SNTG2: variants seen among roughly 807,000 people sequenced by gnomAD.
SNTG2 encodes gamma-2-syntrophin.
SNTG2 carries 74 observed loss-of-function variants against 70.9 expected under a neutral mutation model. The observed-to-expected ratio is 1.04, with a 90% CI of 0.86 to 1.27. The LOEUF (loss-of-function observed/expected upper bound fraction) is 1.27, where lower values mean the gene tolerates loss of function less well. Ranked by LOEUF, SNTG2 falls within the 50% of genes most tolerant of loss-of-function variation. SNTG2 has a pLI of 0.00. For missense variants in SNTG2, 717 were observed against 690.7 expected, an observed-to-expected ratio of 1.04 and a Z score of -0.43; for synonymous variants, 278 against 273.8, an observed-to-expected ratio of 1.02 and a Z score of -0.15.
intron 1 of SNTG2, among the ~76,000 whole-genome samples, chr2:1,071,516 G>T (rs1663549798): frequency 8.5e-6 from 1 of 118,264 alleles, no homozygotes; most frequent in Non-Finnish European, 1.7e-5. Context: ...TGGGGGGAGG[G>T]GGGAGGGATA....
intron 16 of SNTG2, among the ~76,000 whole-genome samples, chr2:1,330,974 C>T (rs1659496074): frequency 6.6e-6 from 1 of 152,202 alleles, no homozygotes; most frequent in Admixed American, 6.5e-5. Context: ...GACTTGTCCT[C>T]TGGGTGTTAG....
At chr2:1,031,457 C>T (rs1281503750) in intron 1 of SNTG2, among the ~76,000 whole-genome samples, 2 of 144,976 alleles carry the variant, frequency 1.4e-5, no homozygotes, top group Non-Finnish European at 3.0e-5. Flanking sequence ...GGTTTTCACT[C>T]AGCAGTTTTA....
chr2:1,208,712 C>T (rs1396425306), intron 8 of SNTG2, among the ~76,000 whole-genome samples: 4 of 152,180 alleles, frequency 2.6e-5, no homozygotes, highest in Admixed American at 2.6e-4. Context: ...TGTCATCAGC[C>T]ATTCTATCGT....
intron 1 of SNTG2, among the ~76,000 whole-genome samples, chr2:957,722 G>A (rs1660214720): frequency 6.6e-6 from 1 of 151,998 alleles, no homozygotes; most frequent in Non-Finnish European, 1.5e-5. Context: ...CTGAGACTGA[G>A]ACTGAGACTG....
intron 12 of SNTG2, among the ~76,000 whole-genome samples, chr2:1,253,837 G>A (rs907665974): frequency 6.6e-6 from 1 of 152,136 alleles, no homozygotes; most frequent in Non-Finnish European, 1.5e-5. Flanking sequence ...CATCTTACAT[G>A]GCCAGAGAAG....
intron 13 of SNTG2, among the ~76,000 whole-genome samples, chr2:1,263,671 G>A (rs569453151): frequency 1.5e-4 from 23 of 152,244 alleles, no homozygotes; most frequent in African/African-American, 5.3e-4. Context: ...CGACATGTAC[G>A]GCCTGGCTCA....
chr2:957,237 G>C (rs74819814), intron 1 of SNTG2, among the ~76,000 whole-genome samples: 3 of 150,692 alleles, frequency 2.0e-5, no homozygotes, highest in African/African-American at 4.9e-5. Flanking sequence ...TTCCTAAAAC[G>C]ATCATGGTCT....
At chr2:1,156,665 G>A (rs1223814133) in intron 6 of SNTG2, among the ~76,000 whole-genome samples, 2 of 152,170 alleles carry the variant, frequency 1.3e-5, no homozygotes, top group Admixed American at 1.3e-4. Flanking sequence ...ACCATGACAG[G>A]TGAGGGCAGA....
chr2:1,181,094 C>T (rs1263821280), intron 8 of SNTG2, among the ~76,000 whole-genome samples: 1 of 152,066 alleles, frequency 6.6e-6, no homozygotes, highest in Non-Finnish European at 1.5e-5. Context: ...AGAGGGATAG[C>T]ATTAGGAGAT....
chr2:1,026,543 G>A (rs780567388), intron 1 of SNTG2, among the ~76,000 whole-genome samples: 12 of 152,194 alleles, frequency 7.9e-5, no homozygotes, highest in Non-Finnish European at 1.5e-5. Context: ...AGATATCATT[G>A]TACGGGCTAG....
chr2:1,059,165 T>G (rs35145309), intron 1 of SNTG2: 25,199 of 152,240 alleles, frequency 0.17, 2,190 homozygotes, highest in South Asian at 0.2. Context: ...ATCTGTGCAG[T>G]TTCATTTACG....
chr2:1,296,112 C>T (rs1393329724), intron 14 of SNTG2, among the ~76,000 whole-genome samples: 1 of 152,118 alleles, frequency 6.6e-6, no homozygotes, highest in Non-Finnish European at 1.5e-5. Flanking sequence ...GCTGAGTCTC[C>T]TGTGTTGGGG....
chr2:1,279,210 T>C (rs929072875), intron 14 of SNTG2, among the ~76,000 whole-genome samples: 2 of 152,208 alleles, frequency 1.3e-5, no homozygotes, highest in Non-Finnish European at 2.9e-5. Context: ...TTTGATCAGA[T>C]TGACTCTTAC....
intron 6 of SNTG2, among the ~76,000 whole-genome samples, chr2:1,147,820 G>T (rs1229033003): frequency 6.6e-6 from 1 of 152,182 alleles, no homozygotes; most frequent in Admixed American, 6.5e-5. Context: ...AGACATGATT[G>T]TTCCATGTGA....
At chr2:1,127,690 G>A (rs1235811153) in intron 4 of SNTG2, among the ~76,000 whole-genome samples, 1 of 151,614 alleles carries the variant, frequency 6.6e-6, no homozygotes, top group Non-Finnish European at 1.5e-5. Context: ...TATTCCAAGG[G>A]GTGTGTGTGT....
intron 1 of SNTG2, among the ~76,000 whole-genome samples, chr2:1,036,200 T>C (rs1020239696): frequency 2.6e-5 from 4 of 152,216 alleles, no homozygotes; most frequent in African/African-American, 4.8e-5. Flanking sequence ...GATTATATTT[T>C]CTTGGAGAGA....
chr2:1,041,812 A>G (rs1447181180), intron 1 of SNTG2, among the ~76,000 whole-genome samples: 2 of 152,174 alleles, frequency 1.3e-5, no homozygotes, highest in African/African-American at 2.4e-5. Flanking sequence ...GTATTTCTTT[A>G]TAGCAAGGCA....
intron 1 of SNTG2, among the ~76,000 whole-genome samples, chr2:1,005,806 A>AATATAT (rs56246912): frequency 3.2e-5 from 1 of 31,268 alleles, no homozygotes; most frequent in African/African-American, 1.3e-4. Flanking sequence ...TCTGCCTCAA[A>AATATAT]ATATATATAT....
At chr2:1,184,974 G>A (rs1672158711) in intron 8 of SNTG2, among the ~76,000 whole-genome samples, 1 of 152,138 alleles carries the variant, frequency 6.6e-6, no homozygotes, top group Non-Finnish European at 1.5e-5. Context: ...CCACCTATAA[G>A]CCTGTAAAAT....
Sources: gnomAD v4.1 joint callset for allele counts (sites outside exome capture counted in the v4.1 genomes callset) on GRCh38, gnomAD v4.1.1 for gene constraint, MANE v1.5 for transcripts, NCBI Gene and HGNC (gene_info 2026-07-23, HGNC 2026-07-21) for gene names.